HOTAIR: variants seen among roughly 807,000 people sequenced by gnomAD.
HOTAIR encodes the protein HOX transcript antisense RNA.
In HOTAIR at chr12:53,973,467, G is replaced by T; in HGVS notation, n.59+1431C>A. ...GCCCCCGGTCCGGGAGGTCTCCTAC[G>T]GCCTGGAGCCATCCGGCAAGTGGCA... On this transcript the variant is annotated intron_variant and non_coding_transcript_variant, in intron 1 of 6. Transcript: ENST00000424518. This position sits in a 1 kb window ranked among gnomAD's most constrained non-coding sequence, Gnocchi z 4.3. The T allele has an allele frequency of 6.2e-7, 1 of 1,613,934 alleles. No homozygotes were observed. The highest frequency in any genetic ancestry group is 8.5e-7 in the Non-Finnish European group (1 of 1,179,994).
chr12:53,968,696 C>T (rs1195345858), exon 2 of HOTAIR: 2 of 152,478 alleles, frequency 1.3e-5, no homozygotes, highest in Non-Finnish European at 2.9e-5. Context: ...CACTGCCTGC[C>T]TAGGCTTCCA....
chr12:53,972,090 T>G (rs969079631), intron 1 of HOTAIR, among the ~76,000 whole-genome samples: 1 of 152,126 alleles, frequency 6.6e-6, no homozygotes, highest in Admixed American at 6.5e-5. Flanking sequence ...CCACCCACCT[T>G]ACAGTCCTCA....
chr12:53,966,125 C>G (rs754819536), intron 4 of HOTAIR: 4 of 152,238 alleles, frequency 2.6e-5, no homozygotes, highest in Non-Finnish European at 4.4e-5. Flanking sequence ...AAGCGGCGGA[C>G]AGGGAAATCA....
rs1161484211 is a variant in HOTAIR, at chr12:53,973,810, C to A, written n.59+1088G>T. 1 of 1,527,586 alleles carries A rather than the reference C, an allele frequency of 6.5e-7. No individual in the cohort carries two copies. Among genetic ancestry groups the A allele is most frequent in the Non-Finnish European group, 8.8e-7 (1 of 1,133,316 alleles). 94.6% of individuals were successfully genotyped at this position (1,527,586 alleles called of 1,614,324 possible). A position where few individuals can be genotyped will look rare whatever the true frequency, so the allele number is the denominator to read the frequency against. ...GAGGCACCCCCGGCCTCGGGACTGG[C>A]GTCCCGGGCTGAGGCGGGTGCCGAG... is the stretch of plus-strand genomic sequence containing the variant. On this transcript the variant is annotated intron_variant and non_coding_transcript_variant, in intron 1 of 6. Coordinates refer to ENST00000424518, the Ensembl canonical transcript of HOTAIR. The surrounding 1 kb of genome is among the most constrained non-coding windows in gnomAD (Gnocchi z 4.3).
chr12:53,973,765 G>A lies in HOTAIR; in HGVS notation n.59+1133C>T, dbSNP rs1592196118. The A allele has an allele frequency of 1.1e-5, 17 of 1,611,684 alleles. No homozygotes were observed. The highest frequency in any genetic ancestry group is 1.4e-5 in the Non-Finnish European group (16 of 1,179,284). Reference sequence around the variant, plus strand: ...GCCGAGCCCCCCTGCTCCGGCAAGGGCGAGGCCAAGGGGGAGCCCGAGGCA... The same window carrying A: ...GCCGAGCCCCCCTGCTCCGGCAAGGACGAGGCCAAGGGGGAGCCCGAGGCA... On this transcript the variant is annotated intron_variant and non_coding_transcript_variant, in intron 1 of 6. Transcript: ENST00000424518. This position sits in a 1 kb window ranked among gnomAD's most constrained non-coding sequence, Gnocchi z 4.3.
At chr12:53,967,849 A>T (rs1342014822) in intron 2 of HOTAIR, among the ~76,000 whole-genome samples, 2 of 152,186 alleles carry the variant, frequency 1.3e-5, no homozygotes, top group Non-Finnish European at 2.9e-5. Flanking sequence ...AGATTTAGGG[A>T]CTTGCAGAGA....
At chr12:53,964,703 A>T (rs1481880254) in intron 5 of HOTAIR, among the ~76,000 whole-genome samples, 1 of 152,166 alleles carries the variant, frequency 6.6e-6, no homozygotes, top group Admixed American at 6.5e-5. Flanking sequence ...TGTGCAGAGG[A>T]GGAGGGGCCA....
Position 53,973,182 on chromosome 12 carries a change from T to G in HOTAIR, n.59+1716A>C, listed in dbSNP as rs1281719310. ...ACGCGTCATCTCGCCTTCCCAAATTTTCCCCCCTCGCTAGACCGGGTCCAA... is the reference window on the plus strand; with the variant it reads ...ACGCGTCATCTCGCCTTCCCAAATTGTCCCCCCTCGCTAGACCGGGTCCAA... On this transcript the variant is annotated intron_variant and non_coding_transcript_variant, in intron 1 of 6. Transcript: ENST00000424518. The surrounding 1 kb of genome is among the most constrained non-coding windows in gnomAD (Gnocchi z 4.3). The G allele has an allele frequency of 4.3e-6, 6 of 1,387,508 alleles. No homozygotes were observed. The highest frequency in any genetic ancestry group is 2.9e-6 in the Non-Finnish European group (3 of 1,029,258). 85.9% of individuals were successfully genotyped at this position (1,387,508 alleles called of 1,614,324 possible).
At chr12:53,963,051 G>T (rs1297485089) in exon 7 of HOTAIR, 1 of 152,262 alleles carries the variant, frequency 6.6e-6, no homozygotes, top group Non-Finnish European at 1.5e-5. Context: ...GGATTCCTGG[G>T]TGGGTGCTGA....
At chr12:53,963,319 GC>G (rs552406812) in exon 7 of HOTAIR, 1 of 152,234 alleles carries the variant, frequency 6.6e-6, no homozygotes, top group Non-Finnish European at 1.5e-5. Flanking sequence ...TATAACCCAA[GC>G]TTTTTTCCAA....
At position 53,973,566 on chromosome 12, in the gene HOTAIR, A is replaced by T; in HGVS notation, n.59+1332T>A. ...GCACCGGGAGTGCCTGCCTCCTTCC[A>T]CCGTCACCGAGATCCTCATGAAAAA... On this transcript the variant is annotated intron_variant and non_coding_transcript_variant, in intron 1 of 6. Coordinates refer to ENST00000424518, the Ensembl canonical transcript of HOTAIR. This position sits in a 1 kb window ranked among gnomAD's most constrained non-coding sequence, Gnocchi z 4.3. The T allele has an allele frequency of 6.2e-7, 1 of 1,612,324 alleles. No individual in the cohort carries two copies. Among genetic ancestry groups the T allele is most frequent in the Non-Finnish European group, 8.5e-7 (1 of 1,179,814 alleles).
intron 1 of HOTAIR, among the ~76,000 whole-genome samples, chr12:53,970,074 A>G (rs1002093893): frequency 6.6e-5 from 10 of 152,226 alleles, no homozygotes; most frequent in Admixed American, 2.6e-4. Flanking sequence ...AGCTACCTGG[A>G]CAGCTGCCCA....
chr12:53,973,015 G>A lies in HOTAIR; in HGVS notation n.59+1883C>T, dbSNP rs1367904188. 1 of 442,490 alleles carries A rather than the reference G, an allele frequency of 2.3e-6. No individual in the cohort carries two copies. The highest frequency in any genetic ancestry group is 4.0e-6 in the Non-Finnish European group (1 of 251,990). 27.4% of individuals were successfully genotyped at this position (442,490 alleles called of 1,614,324 possible). A position where few individuals can be genotyped will look rare whatever the true frequency, so the allele number is the denominator to read the frequency against. ...CAATTGATTTTCATAATGTTTCTGC[G>A]GTGTTTGCAAACCAATCGCCTGAAC... is the stretch of plus-strand genomic sequence containing the variant. On this transcript the variant is annotated intron_variant and non_coding_transcript_variant, in intron 1 of 6. Coordinates refer to ENST00000424518, the Ensembl canonical transcript of HOTAIR. This position sits in a 1 kb window ranked among gnomAD's most constrained non-coding sequence, Gnocchi z 4.3.
chr12:53,973,188 C>T lies in HOTAIR; in HGVS notation n.59+1710G>A. 6.9e-7 allele frequency: 1 copy of T among 1,444,406 alleles called. No homozygotes were observed. The allele number at this position is 1,444,406 out of a possible 1,614,324, so 89.5% of individuals were successfully genotyped here. A position where few individuals can be genotyped will look rare whatever the true frequency, so the allele number is the denominator to read the frequency against. On this transcript the variant is annotated intron_variant and non_coding_transcript_variant, in intron 1 of 6. Coordinates refer to ENST00000424518, the Ensembl canonical transcript of HOTAIR. This position sits in a 1 kb window ranked among gnomAD's most constrained non-coding sequence, Gnocchi z 4.3. ...CATCTCGCCTTCCCAAATTTTCCCC[C>T]CTCGCTAGACCGGGTCCAAAACCTC...
intron 5 of HOTAIR, among the ~76,000 whole-genome samples, chr12:53,964,852 A>G (rs1403063970): frequency 1.4e-5 from 2 of 145,056 alleles, no homozygotes; most frequent in Non-Finnish European, 3.1e-5. Context: ...AGAACGCACA[A>G]GAGATCGAGT....
Position 53,964,920 on chromosome 12 carries a change from A to T in HOTAIR, n.552-637T>A, listed in dbSNP as rs573056194. ...GATATTTGCTTGGCTTTACTTTGTC[A>T]GCATAGACCTGCCTCCTCTAGTATT... On this transcript the variant is annotated intron_variant and non_coding_transcript_variant, in intron 5 of 6. Transcript: ENST00000424518. 1.2e-4 allele frequency among the ~76,000 whole-genome samples: 19 copies of T among 152,356 alleles called. 1 individual carries two copies. In the South Asian group the frequency reaches 3.9e-3, roughly 32 times the overall value.
chr12:53,967,296 AT>A (rs1939072497), exon 3 of HOTAIR: 1 of 152,098 alleles, frequency 6.6e-6, no homozygotes, highest in Non-Finnish European at 1.5e-5. Flanking sequence ...CCTCCGGGAT[AT>A]TAGGGACCTG....
At chr12:53,964,800 G>A (rs1939021270) in intron 5 of HOTAIR, among the ~76,000 whole-genome samples, 1 of 152,106 alleles carries the variant, frequency 6.6e-6, no homozygotes, top group Non-Finnish European at 1.5e-5. Context: ...CCTAAATCAA[G>A]GAGGCCCTAG....
chr12:53,969,407 G>A (rs1325328284), intron 1 of HOTAIR, among the ~76,000 whole-genome samples: 2 of 152,152 alleles, frequency 1.3e-5, no homozygotes, highest in Non-Finnish European at 2.9e-5. Flanking sequence ...TCCTCCATAG[G>A]TCCCAGGAAC....
Sources: gnomAD v4.1 joint callset for allele counts (sites outside exome capture counted in the v4.1 genomes callset) on GRCh38, gnomAD v4.1.1 for gene constraint, Gnocchi (gnomAD v3.1) non-coding constraint, MANE v1.5 for transcripts, NCBI Gene and HGNC (gene_info 2026-07-23, HGNC 2026-07-21) for gene names.